The following ASH1L variants were observed in gnomAD, a reference collection of about 807,000 sequenced individuals.
The protein encoded by ASH1L is ASH1 like histone lysine methyltransferase, also known as histone-lysine N-methyltransferase ASH1L.
A neutral mutation model predicts 269.0 loss-of-function variants in ASH1L; 23 were observed. The ratio of observed to expected loss-of-function variants is 0.09; its 90% CI spans 0.06 to 0.12. The LOEUF is 0.12. Ranked by LOEUF, ASH1L falls within the 10% of genes least tolerant of loss-of-function variation. The pLI is 1.00. For synonymous variants in ASH1L, 1,187 were observed against 1,253.5 expected, an observed-to-expected ratio of 0.95 and a Z score of 1.12; for missense variants, 2,912 against 3,567.8, an observed-to-expected ratio of 0.82 and a Z score of 4.68.
intron 1 of ASH1L, among the ~76,000 whole-genome samples, chr1:155,526,086 T>C (rs1669233311): frequency 6.6e-6 from 1 of 152,156 alleles, no homozygotes; most frequent in Non-Finnish European, 1.5e-5. Flanking sequence ...GAATCACAGA[T>C]AGGGAAGGCC....
chr1:155,431,469 T>C (rs12026638), intron 5 of ASH1L, among the ~76,000 whole-genome samples: 39,569 of 151,694 alleles, frequency 0.26, 5,936 homozygotes, highest in East Asian at 0.72. Context: ...TTTAAATGTT[T>C]TGTAGAGATG....
intron 2 of ASH1L, among the ~76,000 whole-genome samples, chr1:155,494,134 G>A (rs1274234436): frequency 6.6e-6 from 1 of 152,144 alleles, no homozygotes; most frequent in African/African-American, 2.4e-5. Flanking sequence ...ACGGGCTGTC[G>A]GAAAGTTCTG....
chr1:155,518,750 G>T (rs1179522741), intron 2 of ASH1L, among the ~76,000 whole-genome samples: 1 of 150,876 alleles, frequency 6.6e-6, no homozygotes, highest in South Asian at 2.1e-4. Flanking sequence ...AAAGGAAGGG[G>T]AGGGAAGAGA....
Position 155,432,893 on chromosome 1 carries a change from C to A in ASH1L, c.5828+5434G>T, listed in dbSNP as rs75268656. Among the ~76,000 whole-genome samples, 933 of 152,260 alleles carry A rather than the reference C, an allele frequency of 6.1e-3. 9 individuals are homozygous for A. Among genetic ancestry groups the A allele is most frequent in the African/African-American group, 0.022 (908 of 41,552 alleles). On this transcript the variant is annotated intron_variant, in intron 5 of 27. Transcript: ENST00000392403. ...TGGGACCACAGGCGTGCAACACCAC[C>A]ACGCCCAGCTAATTTATTGTATTTT...
Position 155,427,218 on chromosome 1 carries a change from T to C in ASH1L, c.5828+11109A>G, listed in dbSNP as rs921426787. Among the ~76,000 whole-genome samples, 107 of 151,372 alleles carry C rather than the reference T, an allele frequency of 7.1e-4. 1 individual carries two copies. The highest frequency in any genetic ancestry group is 2.5e-3 in the African/African-American group (104 of 41,078). ...GGTCTGATCTCAGCTCACTGCAACC[T>C]TCACCTCCAAGGTTCTAGCAATTCT... On this transcript the variant is annotated intron_variant, in intron 5 of 27. Transcript: ENST00000392403.
chr1:155,511,021 G>T (rs1044781815), intron 2 of ASH1L, among the ~76,000 whole-genome samples: 2 of 152,058 alleles, frequency 1.3e-5, no homozygotes, highest in African/African-American at 4.8e-5. Flanking sequence ...CCTCAAATAT[G>T]AGTCTGACAT....
chr1:155,337,268 T>A lies in ASH1L; in HGVS notation c.*392A>T, dbSNP rs908482238. On this transcript the variant is annotated 3_prime_UTR_variant, in exon 28 of 28. Coordinates refer to ENST00000392403, the MANE Select transcript of ASH1L (RefSeq NM_018489.3). Reference sequence around the variant, plus strand: ...GATCCTGGCCCTATCCCTTTGGATTTTGAGTTATACCTGGGTATAGGAAGC... The same window carrying A: ...GATCCTGGCCCTATCCCTTTGGATTATGAGTTATACCTGGGTATAGGAAGC... 1 of 162,714 alleles carries A rather than the reference T, an allele frequency of 6.1e-6. No homozygotes were observed. Among genetic ancestry groups the A allele is most frequent in the Non-Finnish European group, 1.3e-5 (1 of 74,752 alleles). The allele number at this position is 162,714 out of a possible 1,614,324, so 10.1% of individuals were successfully genotyped here.
intron 18 of ASH1L, 33 bp from the exon 19 acceptor site, chr1:155,349,492 C>T (rs1360141608): frequency 5.0e-6 from 8 of 1,614,046 alleles, no homozygotes; most frequent in Non-Finnish European, 6.8e-6. Context: ...CAATCTGGCA[C>T]ACTTAGCACT....
At chr1:155,494,639 C>T (rs1378817945) in intron 2 of ASH1L, among the ~76,000 whole-genome samples, 1 of 152,012 alleles carries the variant, frequency 6.6e-6, no homozygotes, top group African/African-American at 2.4e-5. Flanking sequence ...ATTTTAGTAA[C>T]GACAGAAGTG....
chr1:155,459,048 T>C (rs1367162580), intron 4 of ASH1L, among the ~76,000 whole-genome samples: 2 of 151,838 alleles, frequency 1.3e-5, no homozygotes, highest in Non-Finnish European at 2.9e-5. Context: ...AAATATGTTG[T>C]ATGTATTAAC....
Position 155,510,321 on chromosome 1 carries a change from A to AGACAAAAGCTTGAACCCGGGAGG in ASH1L, c.420+10756_420+10778dup, listed in dbSNP as rs1383927559. ...CCCAGCTACTCAAGAGGCTGAGGCA[A>AGACAAAAGCTTGAACCCGGGAGG]GACAAAAGCTTGAACCCGGGAGGCG... On this transcript the variant is annotated intron_variant, in intron 2 of 27. Coordinates refer to ENST00000392403, the MANE Select transcript of ASH1L (RefSeq NM_018489.3). Among the ~76,000 whole-genome samples, 8 of 150,610 alleles carry AGACAAAAGCTTGAACCCGGGAGG rather than the reference A, an allele frequency of 5.3e-5. No homozygotes were observed. The East Asian group carries it at 1.4e-3, about 26-fold the overall frequency.
chr1:155,361,149 C>T (rs1263414519), intron 12 of ASH1L, among the ~76,000 whole-genome samples: 3 of 151,706 alleles, frequency 2.0e-5, no homozygotes, highest in South Asian at 2.1e-4. Flanking sequence ...TTTGGGAGGC[C>T]GAGGAGGGCA....
chr1:155,360,446 ATTT>A (rs745726347), intron 12 of ASH1L, 37 bp from the exon 13 acceptor site: 209 of 1,122,528 alleles, frequency 1.9e-4, no homozygotes, highest in African/African-American at 3.7e-4. Flanking sequence ...AAGGCTGGAA[ATTT>A]TTTTTTTTTT....
chr1:155,553,060 A>G (rs748568839), intron 1 of ASH1L, among the ~76,000 whole-genome samples: 9 of 152,204 alleles, frequency 5.9e-5, no homozygotes, highest in African/African-American at 9.6e-5. Context: ...TCAAAATTAC[A>G]GTCAATAAGT....
At chr1:155,522,829 G>A (rs1217378232) in intron 1 of ASH1L, among the ~76,000 whole-genome samples, 1 of 151,882 alleles carries the variant, frequency 6.6e-6, no homozygotes, top group Non-Finnish European at 1.5e-5. Context: ...TGGCATTACA[G>A]GCACAAGCCA....
chr1:155,342,246 C>T, intron 24 of ASH1L, 144 bp from the exon 25 acceptor site: 1 of 702,992 alleles, frequency 1.4e-6, no homozygotes, highest in Non-Finnish European at 2.4e-6. Context: ...GACAACTAAG[C>T]ATTTGGTAGT....
Position 155,363,194 on chromosome 1 carries a change from G to A in ASH1L, c.6687-2785C>T, listed in dbSNP as rs535734750. Among the ~76,000 whole-genome samples, 472 of 152,042 alleles carry A rather than the reference G, an allele frequency of 3.1e-3. 2 individuals carry two copies. Among genetic ancestry groups the A allele is most frequent in the African/African-American group, 0.011 (455 of 41,490 alleles). On this transcript the variant is annotated intron_variant, in intron 12 of 27. Transcript: ENST00000392403. The stretch of plus-strand genomic sequence containing the variant: ...GACGGGATTTCTCCACGTTGGTCAG[G>A]CTGGTCTCGAACTCCTGACCTCTCG...
intron 1 of ASH1L, among the ~76,000 whole-genome samples, chr1:155,541,120 T>C (rs1423488808): frequency 1.3e-5 from 2 of 152,148 alleles, no homozygotes. Flanking sequence ...ATCCATATCT[T>C]CCACTAGACC....
chr1:155,433,217 C>G, intron 5 of ASH1L: 1 of 1,548,396 alleles, frequency 6.5e-7, no homozygotes, highest in South Asian at 1.2e-5. Flanking sequence ...TGCCTTCTTG[C>G]CCCCTCCAGG....
Sources: allele counts gnomAD v4.1 joint callset (sites outside exome capture counted in the v4.1 genomes callset), GRCh38; gene constraint gnomAD v4.1.1; transcripts MANE v1.5; gene names NCBI Gene and HGNC (gene_info 2026-07-23, HGNC 2026-07-21).